MED13L: variants seen among roughly 807,000 people sequenced by gnomAD.
The protein encoded by MED13L is mediator complex subunit 13L.
A neutral mutation model predicts 220.9 loss-of-function variants in MED13L; 7 were observed. That is an observed-to-expected ratio of 0.03 (90% CI 0.02 to 0.06). The LOEUF is 0.06. Among genes scored for constraint, MED13L ranks in the 10% least tolerant of loss-of-function variants. The pLI, the probability that MED13L is intolerant of heterozygous loss-of-function variation, is 1.00. For synonymous variants in MED13L, 1,011 were observed against 1,015.2 expected (o/e 1.00, Z 0.08); for missense variants, 1,965 against 2,760.5 (o/e 0.71, Z 6.46).
At chr12:116,078,739 C>T (rs1030618380) in intron 4 of MED13L, among the ~76,000 whole-genome samples, 1 of 152,142 alleles carries the variant, frequency 6.6e-6, no homozygotes, top group Non-Finnish European at 1.5e-5. Context: ...TTATCTGGTC[C>T]TTTACAATAA....
intron 2 of MED13L, among the ~76,000 whole-genome samples, chr12:116,185,152 G>A (rs1489618015): frequency 1.3e-5 from 2 of 151,768 alleles, no homozygotes; most frequent in Non-Finnish European, 2.9e-5. Context: ...TTCGTAACTA[G>A]TAAAAATCAG....
intron 4 of MED13L, among the ~76,000 whole-genome samples, chr12:116,089,831 T>G (rs1210500450): frequency 1.3e-5 from 2 of 152,192 alleles, no homozygotes; most frequent in Non-Finnish European, 2.9e-5. Flanking sequence ...GAAAAAAGAA[T>G]GGAAACAACC....
intron 4 of MED13L, among the ~76,000 whole-genome samples, chr12:116,031,663 C>T (rs1356484516): frequency 2.1e-4 from 21 of 99,056 alleles, no homozygotes; most frequent in African/African-American, 5.7e-4. Context: ...CGGGACGGGA[C>T]GGGAGAAAAG....
intron 4 of MED13L, among the ~76,000 whole-genome samples, chr12:116,061,774 G>A (rs1037356552): frequency 5.3e-5 from 8 of 152,050 alleles, no homozygotes; most frequent in Non-Finnish European, 7.4e-5. Flanking sequence ...TTGGGAGGCC[G>A]AGGCAGGCTG....
intron 2 of MED13L, among the ~76,000 whole-genome samples, chr12:116,210,832 A>C (rs575394647): frequency 1.3e-5 from 2 of 152,156 alleles, no homozygotes; most frequent in East Asian, 3.9e-4. Flanking sequence ...ATAATGAATA[A>C]AGAAACTTCT....
At chr12:115,966,713 G>A (rs1474273540) in intron 28 of MED13L, among the ~76,000 whole-genome samples, 1 of 152,170 alleles carries the variant, frequency 6.6e-6, no homozygotes, top group Non-Finnish European at 1.5e-5. Flanking sequence ...TGCTCACAGA[G>A]AAGCCATGTT....
At chr12:116,232,995 G>A (rs1187496383) in intron 2 of MED13L, among the ~76,000 whole-genome samples, 1 of 151,350 alleles carries the variant, frequency 6.6e-6, no homozygotes, top group Non-Finnish European at 1.5e-5. Context: ...GCTGAGGCAG[G>A]AGAATCATTT....
At position 116,223,986 on chromosome 12, in the gene MED13L, A is replaced by G. The variant is rs371635210; in HGVS notation, c.310+13482T>C. Among the ~76,000 whole-genome samples the G allele has an allele frequency of 2.0e-4, 30 of 152,282 alleles. No homozygotes were observed. In the East Asian group the frequency reaches 4.6e-3, roughly 24 times the overall value. ...ATCTGCTCACTGGTTTATTCAACAA[A>G]TATGTACCAGGAATTACGTTCCAAT... On this transcript the variant is annotated intron_variant, in intron 2 of 30. Transcript: ENST00000281928.
At chr12:116,100,989 C>G (rs1251906912) in intron 3 of MED13L, among the ~76,000 whole-genome samples, 1 of 152,176 alleles carries the variant, frequency 6.6e-6, no homozygotes, top group Non-Finnish European at 1.5e-5. Flanking sequence ...TGTGGAAGAG[C>G]AAAACATCGC....
chr12:116,017,516 G>T (rs1879795979), intron 7 of MED13L, among the ~76,000 whole-genome samples: 1 of 152,170 alleles, frequency 6.6e-6, no homozygotes. Context: ...TACTACAAAA[G>T]ACTATGAAAG....
At position 116,068,854 on chromosome 12, in the gene MED13L, C is replaced by T. The variant is rs892582939; in HGVS notation, c.479+27815G>A. Among the ~76,000 whole-genome samples the T allele has an allele frequency of 1.3e-3, 5 of 3,984 alleles. No homozygotes were observed. The South Asian group carries it at 0.025, about 20-fold the overall frequency. 2.6% of individuals were successfully genotyped at this position (3,984 alleles called of 152,430 possible). Reference sequence around the variant, plus strand: ...CTGGCATCACCCTTAACATTTAATGCGGGGGGTGGGGGGGCGTGCATGTCC... The same window carrying T: ...CTGGCATCACCCTTAACATTTAATGTGGGGGGTGGGGGGGCGTGCATGTCC... On this transcript the variant is annotated intron_variant, in intron 4 of 30. Transcript: ENST00000281928.
In MED13L at chr12:115,997,504, C is replaced by A. The variant is rs575551171; in HGVS notation, c.2570-274G>T. Among the ~76,000 whole-genome samples, 3 of 152,324 alleles carry A rather than the reference C, an allele frequency of 2.0e-5. No individual in the cohort carries two copies. The East Asian group carries it at 5.8e-4, about 29-fold the overall frequency. ...TGGCCTGATCTTGACTCACTGTAAC[C>A]TCTGCCTTCCTCGTTCAAGCAATTC... On this transcript the variant is annotated intron_variant, in intron 14 of 30. Transcript: ENST00000281928.
intron 14 of MED13L, among the ~76,000 whole-genome samples, chr12:116,000,204 A>G (rs927648621): frequency 5.9e-5 from 9 of 152,224 alleles, no homozygotes; most frequent in Non-Finnish European, 7.3e-5. Context: ...GAGATGACCA[A>G]AGGGAATCGG....
intron 19 of MED13L, 90 bp downstream of exon 19, chr12:115,986,176 T>G (rs1877676452): frequency 1.5e-6 from 2 of 1,352,100 alleles, no homozygotes; most frequent in East Asian, 4.6e-5. Context: ...GAGATTTACT[T>G]TCAAGACATT....
intron 2 of MED13L, among the ~76,000 whole-genome samples, chr12:116,224,601 G>A (rs1868773657): frequency 6.6e-6 from 1 of 152,138 alleles, no homozygotes; most frequent in African/African-American, 2.4e-5. Context: ...CAAATAAATG[G>A]TGGTAATTCT....
intron 2 of MED13L, among the ~76,000 whole-genome samples, chr12:116,164,427 C>CA (rs1879104015): frequency 6.6e-6 from 1 of 152,032 alleles, no homozygotes; most frequent in South Asian, 2.1e-4. Context: ...TAACAAAATA[C>CA]AAAAAAGAAA....
intron 2 of MED13L, among the ~76,000 whole-genome samples, chr12:116,144,337 G>T (rs532479306): frequency 6.6e-6 from 1 of 152,224 alleles, no homozygotes; most frequent in African/African-American, 2.4e-5. Context: ...GTCCTTCACT[G>T]TCCCAAAGGG....
chr12:116,250,073 A>T (rs1233516442), intron 1 of MED13L, among the ~76,000 whole-genome samples: 1 of 150,996 alleles, frequency 6.6e-6, no homozygotes, highest in African/African-American at 2.4e-5. Flanking sequence ...ATCAAAATAA[A>T]ATTTGTAAAA....
chr12:116,004,851 G>C (rs777878107), intron 13 of MED13L, among the ~76,000 whole-genome samples: 9 of 152,116 alleles, frequency 5.9e-5, no homozygotes, highest in Non-Finnish European at 1.2e-4. Flanking sequence ...CTTTAGAAAT[G>C]TTTCCTACTT....
Sources: gnomAD v4.1 joint callset for allele counts (sites outside exome capture counted in the v4.1 genomes callset) on GRCh38, gnomAD v4.1.1 for gene constraint, MANE v1.5 for transcripts, NCBI Gene and HGNC (gene_info 2026-07-23, HGNC 2026-07-21) for gene names.